The following RAI1 variants were observed in gnomAD, a reference collection of about 807,000 sequenced individuals.
The protein encoded by RAI1 is retinoic acid-induced protein 1.
A neutral mutation model predicts 123.8 loss-of-function variants in RAI1; 9 were observed. The observed-to-expected ratio is 0.07, with a 90% confidence interval of 0.04 to 0.13. RAI1 has a LOEUF of 0.13. RAI1 is among the 10% of genes least tolerant of loss of function. The pLI, the probability that RAI1 is intolerant of heterozygous loss-of-function variation, is 1.00. For missense variants in RAI1, 2,256 were observed against 2,545.8 expected, an observed-to-expected ratio of 0.89 and a Z score of 2.45; for synonymous variants, 1,231 against 1,127.3, an observed-to-expected ratio of 1.09 and a Z score of -1.84.
At chr17:17,778,333 C>G (rs988126263) in intron 2 of RAI1, 9 of 224,870 alleles carry the variant, frequency 4.0e-5, no homozygotes, top group African/African-American at 2.1e-4. Context: ...TTGGACCTGG[C>G]TCCCCATGAA....
At chr17:17,707,843 C>T (rs113103253) in intron 1 of RAI1, among the ~76,000 whole-genome samples, 224 of 152,340 alleles carry the variant, frequency 1.5e-3, no homozygotes, top group Non-Finnish European at 2.4e-3. Context: ...ATCCACCTGC[C>T]TCAGCTTCCC....
chr17:17,775,235 G>A (rs1207864156), intron 2 of RAI1, among the ~76,000 whole-genome samples: 1 of 129,736 alleles, frequency 7.7e-6, no homozygotes, highest in Non-Finnish European at 1.6e-5. Context: ...ACAGGGTCTT[G>A]CTCTATTGCC....
At chr17:17,769,577 C>G (rs1448801452) in intron 2 of RAI1, among the ~76,000 whole-genome samples, 1 of 152,234 alleles carries the variant, frequency 6.6e-6, no homozygotes, top group Non-Finnish European at 1.5e-5. Context: ...ACGAGGAGAT[C>G]CCGCTGGCAG....
At chr17:17,771,168 T>TA (rs1231614705) in intron 2 of RAI1, among the ~76,000 whole-genome samples, 1 of 152,126 alleles carries the variant, frequency 6.6e-6, no homozygotes, top group Non-Finnish European at 1.5e-5. Flanking sequence ...AGAAGGGCCC[T>TA]AGGAGCTACC....
intron 1 of RAI1, among the ~76,000 whole-genome samples, chr17:17,691,915 G>A (rs994105518): frequency 1.3e-5 from 2 of 152,184 alleles, no homozygotes; most frequent in Admixed American, 6.5e-5. Context: ...AAAAAGAGCA[G>A]AGGAAAAACA....
intron 2 of RAI1, among the ~76,000 whole-genome samples, chr17:17,758,434 A>G (rs1408960306): frequency 1.3e-5 from 2 of 152,230 alleles, no homozygotes; most frequent in South Asian, 2.1e-4. Flanking sequence ...GGCAGCACCT[A>G]TGGACAGGGA....
At chr17:17,744,564 G>A (rs1916750946) in intron 2 of RAI1, among the ~76,000 whole-genome samples, 2 of 152,068 alleles carry the variant, frequency 1.3e-5, no homozygotes, top group South Asian at 2.1e-4. Flanking sequence ...AGGCCGAGGC[G>A]GACAGATCAC....
intron 1 of RAI1, among the ~76,000 whole-genome samples, chr17:17,703,554 G>A (rs1915299554): frequency 6.6e-6 from 1 of 152,162 alleles, no homozygotes; most frequent in African/African-American, 2.4e-5. Context: ...TCAGGGGGAG[G>A]GGGCCATTGG....
At chr17:17,774,135 GT>G (rs1201502818) in intron 2 of RAI1, among the ~76,000 whole-genome samples, 1 of 152,204 alleles carries the variant, frequency 6.6e-6, no homozygotes, top group Non-Finnish European at 1.5e-5. Flanking sequence ...CCCAACACAT[GT>G]CTGGTAGGTG....
chr17:17,696,129 TACAAGAAA>T (rs1233093128), intron 1 of RAI1, among the ~76,000 whole-genome samples: 2 of 152,084 alleles, frequency 1.3e-5, no homozygotes, highest in Non-Finnish European at 2.9e-5. Context: ...TATCCAAAAA[TACAAGAAA>T]AAAGTAAAAA....
In RAI1 at chr17:17,796,449, G is replaced by A; in HGVS notation, c.3501G>A (p.Arg1167=). 6.2e-7 allele frequency: 1 copy of A among 1,612,880 alleles called. No homozygotes were observed. Among genetic ancestry groups the A allele is most frequent in the Non-Finnish European group, 8.5e-7 (1 of 1,179,984 alleles). Residue 1167 remains arginine, a synonymous_variant, in exon 3 of 6, where the codon CGG becomes CGA. Coordinates refer to ENST00000353383, the MANE Select transcript of RAI1 (RefSeq NM_030665.4). This position sits in a 1 kb window ranked among gnomAD's most constrained non-coding sequence, Gnocchi z 5.8. ...AGCGGCGGAGGCCCTCTGAGGGCCG[G>A]CTCCCCAACTGCCGTGCCACCAAGA... ...HSKRRRPSEG[R]LPNCRATKKL...
chr17:17,791,104 C>T (rs574546816), intron 2 of RAI1, among the ~76,000 whole-genome samples: 8 of 152,300 alleles, frequency 5.3e-5, no homozygotes, highest in East Asian at 1.9e-4. Flanking sequence ...TTTGATAAGC[C>T]GGTGGGCAGG....
intron 2 of RAI1, among the ~76,000 whole-genome samples, chr17:17,753,805 T>A (rs1292217849): frequency 6.6e-6 from 1 of 152,228 alleles, no homozygotes; most frequent in Admixed American, 6.5e-5. Context: ...CTCTCCAGGC[T>A]CTAGAAAGTC....
In RAI1 at chr17:17,810,694, G is replaced by GAC. The variant is rs2032727312; in HGVS notation, c.*714_*715dup. The GAC allele has an allele frequency of 2.5e-6, 1 of 398,692 alleles. No homozygotes were observed. The highest frequency in any genetic ancestry group is 7.9e-5 in the East Asian group (1 of 12,590). 24.7% of individuals were successfully genotyped at this position (398,692 alleles called of 1,614,324 possible). ...TTGCGGGATCCCCGAGTGTGGGCGGGACTGGGACACCCTTTGGCCTCTGTT... is the reference window on the plus strand; with the variant it reads ...TTGCGGGATCCCCGAGTGTGGGCGGGACACTGGGACACCCTTTGGCCTCTGTT... On this transcript the variant is annotated 3_prime_UTR_variant, in exon 6 of 6. Transcript: ENST00000353383. The surrounding 1 kb of genome is among the most constrained non-coding windows in gnomAD (Gnocchi z 4.6).
chr17:17,770,171 T>C (rs1049214752), intron 2 of RAI1, among the ~76,000 whole-genome samples: 20 of 151,934 alleles, frequency 1.3e-4, no homozygotes, highest in African/African-American at 4.8e-4. Flanking sequence ...GAGTGAGGCC[T>C]CTGGCCGGGG....
At chr17:17,701,565 C>T (rs1013349408) in intron 1 of RAI1, among the ~76,000 whole-genome samples, 4 of 152,212 alleles carry the variant, frequency 2.6e-5, no homozygotes, top group African/African-American at 9.6e-5. Flanking sequence ...TCCCTCCCCT[C>T]TCTCTTCCAT....
In RAI1 at chr17:17,772,714, C is replaced by G. The variant is rs368516306; in HGVS notation, c.-16-20219C>G. 4.9e-4 allele frequency among the ~76,000 whole-genome samples: 74 copies of G among 152,224 alleles called. 1 individual carries two copies. Among genetic ancestry groups the G allele is most frequent in the African/African-American group, 1.7e-3 (70 of 41,468 alleles). Reference sequence around the variant, plus strand: ...GAAGTGTCACTCCCCTGGGAAGCCCCTCTGCCCTCCTGTTCCCACTCAGGT... The same window carrying G: ...GAAGTGTCACTCCCCTGGGAAGCCCGTCTGCCCTCCTGTTCCCACTCAGGT... On this transcript the variant is annotated intron_variant, in intron 2 of 5. Transcript: ENST00000353383.
chr17:17,717,415 C>A (rs900196847), intron 1 of RAI1, among the ~76,000 whole-genome samples: 4 of 152,006 alleles, frequency 2.6e-5, no homozygotes, highest in Non-Finnish European at 2.9e-5. Flanking sequence ...TAGCCAGGAA[C>A]CAAGGGTGCC....
At chr17:17,783,102 CGA>C (rs2031666317) in intron 2 of RAI1, among the ~76,000 whole-genome samples, 2 of 77,294 alleles carry the variant, frequency 2.6e-5, no homozygotes, top group Admixed American at 1.3e-4. Flanking sequence ...CCCGCGCAGG[CGA>C]GAGGGAGGCG....
Sources: gnomAD v4.1 joint callset for allele counts (sites outside exome capture counted in the v4.1 genomes callset) on GRCh38, gnomAD v4.1.1 for gene constraint, Gnocchi (gnomAD v3.1) non-coding constraint, MANE v1.5 for transcripts, NCBI Gene and HGNC (gene_info 2026-07-23, HGNC 2026-07-21) for gene names.